The following SPATA13 variants were observed in gnomAD, a reference collection of about 807,000 sequenced individuals.
SPATA13 encodes the protein spermatogenesis-associated protein 13.
Under a neutral mutation model 104.0 loss-of-function variants are expected in SPATA13, and 50 were observed. The ratio of observed to expected loss-of-function variants is 0.48; its 90% CI spans 0.38 to 0.61. The LOEUF is 0.61. Ranked by LOEUF, SPATA13 falls within the 20% of genes least tolerant of loss-of-function variation. SPATA13 has a pLI of 0.00. For missense variants in SPATA13, 1,524 were observed against 1,690.6 expected (o/e 0.90, Z 1.73); for synonymous variants, 606 against 667.5 (o/e 0.91, Z 1.42).
At chr13:24,238,318 G>A (rs1157345766) in intron 2 of SPATA13, among the ~76,000 whole-genome samples, 3 of 151,716 alleles carry the variant, frequency 2.0e-5, no homozygotes, top group Admixed American at 6.6e-5. Context: ...CACCATGCCC[G>A]GCTAATTTTT....
chr13:24,149,523 T>C (rs149417546), intron 3 of SPATA13, among the ~76,000 whole-genome samples: 1 of 152,306 alleles, frequency 6.6e-6, no homozygotes, highest in Non-Finnish European at 1.5e-5. Context: ...AATCCCTGGT[T>C]GACTCTAGTG....
intron 3 of SPATA13, among the ~76,000 whole-genome samples, chr13:24,094,647 TG>T (rs1413957596): frequency 6.6e-6 from 1 of 152,188 alleles, no homozygotes; most frequent in African/African-American, 2.4e-5. Flanking sequence ...TAGTTTCAGC[TG>T]TTGGGGAGGC....
intron 1 of SPATA13, among the ~76,000 whole-genome samples, chr13:24,171,514 G>T (rs1882966979): frequency 6.6e-6 from 1 of 152,232 alleles, no homozygotes; most frequent in Non-Finnish European, 1.5e-5. Flanking sequence ...AGTGCCACAA[G>T]GATGGGTGAA....
chr13:24,069,551 T>C (rs568553188), intron 3 of SPATA13, among the ~76,000 whole-genome samples: 15 of 152,332 alleles, frequency 9.8e-5, no homozygotes, highest in East Asian at 7.7e-4. Context: ...TATAGGATCA[T>C]GTGTCTACAA....
intron 3 of SPATA13, among the ~76,000 whole-genome samples, chr13:24,071,191 G>T (rs147194440): frequency 6.6e-6 from 1 of 152,226 alleles, no homozygotes; most frequent in African/African-American, 2.4e-5. Context: ...CTTTGTAGAG[G>T]AGACAGCTGC....
intron 3 of SPATA13, among the ~76,000 whole-genome samples, chr13:24,023,029 C>T (rs202169312): frequency 2.6e-5 from 4 of 152,164 alleles, no homozygotes; most frequent in East Asian, 3.9e-4. Context: ...CATGCTGGCC[C>T]GCTGCATCCT....
chr13:24,191,345 A>T (rs1334194755), intron 1 of SPATA13, among the ~76,000 whole-genome samples: 2 of 152,050 alleles, frequency 1.3e-5, no homozygotes, highest in Non-Finnish European at 2.9e-5. Context: ...AGACTACAGT[A>T]TAATGTACAC....
rs372509854 is a variant in SPATA13 at position 24,286,788 on chromosome 13, G to T, written c.2505G>T (p.Leu835=). 2.5e-6 allele frequency: 4 copies of T among 1,613,660 alleles called. No individual in the cohort carries two copies. ...FVRLRVNQEE[L]SENSSSTPSE... ...AGTTGCGAGTGAATCAGGAAGAGCT[G>T]TCGGAAAACTCCAGCAGCACCCCCA... Residue 835 remains leucine, a synonymous_variant, in exon 7 of 13, where the codon CTG becomes CTT. Coordinates refer to ENST00000382108, the MANE Select transcript of SPATA13 (RefSeq NM_001166271.3). The surrounding 1 kb of genome is among the most constrained non-coding windows in gnomAD (Gnocchi z 4.9).
At chr13:24,128,253 C>A (rs375779178) in intron 3 of SPATA13, among the ~76,000 whole-genome samples, 1 of 152,002 alleles carries the variant, frequency 6.6e-6, no homozygotes, top group African/African-American at 2.4e-5. Context: ...TGTCCTTGTG[C>A]CCGGAGGGGT....
chr13:24,306,513 C>T lies in SPATA13; in HGVS notation c.*3740C>T, dbSNP rs954744778. The T allele has an allele frequency of 9.9e-5, 15 of 152,012 alleles. No individual in the cohort carries two copies. The highest frequency in any genetic ancestry group is 3.4e-4 in the African/African-American group (14 of 41,354). 9.4% of individuals were successfully genotyped at this position (152,012 alleles called of 1,614,324 possible). A position where few individuals can be genotyped will look rare whatever the true frequency, so the allele number is the denominator to read the frequency against. Reference sequence around the variant, plus strand: ...CAACTAGGTGAAACTACTAGCAGACCCAGCTTTCCCATAATAACCTAATCT... The same window carrying T: ...CAACTAGGTGAAACTACTAGCAGACTCAGCTTTCCCATAATAACCTAATCT... On this transcript the variant is annotated 3_prime_UTR_variant, in exon 13 of 13. Transcript: ENST00000382108.
At chr13:24,233,441 G>T (rs1428146118) in intron 2 of SPATA13, among the ~76,000 whole-genome samples, 2 of 152,062 alleles carry the variant, frequency 1.3e-5, no homozygotes, top group Non-Finnish European at 2.9e-5. Context: ...AGTCATCTTT[G>T]TGCTAGTTTA....
At chr13:24,136,234 G>T (rs186110085) in intron 3 of SPATA13, among the ~76,000 whole-genome samples, 43 of 152,326 alleles carry the variant, frequency 2.8e-4, no homozygotes, top group Admixed American at 7.2e-4. Flanking sequence ...CACTTTGGGA[G>T]GCCGAGGTGA....
chr13:24,218,629 C>CT (rs1178288195), intron 1 of SPATA13, among the ~76,000 whole-genome samples: 1 of 151,984 alleles, frequency 6.6e-6, no homozygotes, highest in Non-Finnish European at 1.5e-5. Flanking sequence ...ACCAGTGGGC[C>CT]GCAGGCTGCA....
At chr13:24,056,339 G>A (rs1878541967) in intron 3 of SPATA13, among the ~76,000 whole-genome samples, 2 of 152,232 alleles carry the variant, frequency 1.3e-5, no homozygotes, top group African/African-American at 2.4e-5. Context: ...GGGGTGGACA[G>A]GCAAAGGTTA....
chr13:24,174,315 G>A (rs909940340), intron 1 of SPATA13, among the ~76,000 whole-genome samples: 2 of 151,810 alleles, frequency 1.3e-5, no homozygotes, highest in African/African-American at 2.4e-5. Flanking sequence ...ATTGATATTT[G>A]TTTTTAATTT....
rs550052913 is a variant in SPATA13, at chr13:24,295,570, C to A, written c.3210+702C>A. 1.4e-4 allele frequency among the ~76,000 whole-genome samples: 22 copies of A among 152,192 alleles called. 1 individual carries two copies. The South Asian group carries it at 3.7e-3, about 26-fold the overall frequency. On this transcript the variant is annotated intron_variant, in intron 10 of 12. Coordinates refer to ENST00000382108, the MANE Select transcript of SPATA13 (RefSeq NM_001166271.3). ...GAGGCTGCAGTGAGCCGTGATCGTG[C>A]CCCTGCACTCTAGTCTGGGTGACAG...
chr13:24,161,764 A>G lies in SPATA13; in HGVS notation c.-112+832A>G, dbSNP rs1447055015. On this transcript the variant is annotated intron_variant, in intron 1 of 12. Transcript: ENST00000382108. The surrounding 1 kb of genome is among the most constrained non-coding windows in gnomAD (Gnocchi z 4.5). ...TTCCCAGCATTGCATAGGGATGTGG[A>G]TAAATAGAATAATACTGTGAATTTA... Among the ~76,000 whole-genome samples, 1 of 152,192 alleles carries G rather than the reference A, an allele frequency of 6.6e-6. No individual in the cohort carries two copies. Among genetic ancestry groups the G allele is most frequent in the Non-Finnish European group, 1.5e-5 (1 of 68,036 alleles).
At position 24,223,241 on chromosome 13, in the gene SPATA13, C is replaced by A. The variant is rs764531445; in HGVS notation, c.312C>A (p.Thr104=). 7.7e-6 allele frequency: 12 copies of A among 1,551,606 alleles called. No homozygotes were observed. The highest frequency in any genetic ancestry group is 1.4e-5 in the African/African-American group (1 of 73,076). ...VLVGNSSTWN[T]LASFRKMGSF... The stretch of plus-strand genomic sequence containing the variant: ...TGGGGAACTCCTCCACATGGAACAC[C>A]CTCGCCTCCTTCCGGAAAATGGGAT... The change falls in exon 2 of 13, where the codon ACC becomes ACA. Residue 104 remains threonine (T), a synonymous_variant. Transcript: ENST00000382108.
chr13:24,001,314 G>C (rs1356368483), intron 2 of SPATA13, among the ~76,000 whole-genome samples: 1 of 152,170 alleles, frequency 6.6e-6, no homozygotes, highest in African/African-American at 2.4e-5. Flanking sequence ...GCTAAGGTCA[G>C]GATGCCGGGG....
Sources: gnomAD v4.1 joint callset for allele counts (sites outside exome capture counted in the v4.1 genomes callset) on GRCh38, gnomAD v4.1.1 for gene constraint, Gnocchi (gnomAD v3.1) non-coding constraint, MANE v1.5 for transcripts, NCBI Gene and HGNC (gene_info 2026-07-23, HGNC 2026-07-21) for gene names.